ABCA9: variants seen among roughly 807,000 people sequenced by gnomAD.
ABCA9 encodes ATP-binding cassette sub-family A member 9.
In ABCA9, 183 loss-of-function variants were observed where a neutral mutation model predicts 205.3. The ratio of observed to expected loss-of-function variants is 0.89; its 90% CI spans 0.79 to 1.01. The LOEUF (loss-of-function observed/expected upper bound fraction) is 1.01, where lower values mean the gene tolerates loss of function less well. Among genes scored for constraint, ABCA9 ranks in the 50% least tolerant of loss-of-function variants. The pLI, the probability that ABCA9 is intolerant of heterozygous loss-of-function variation, is 0.00. For synonymous variants in ABCA9, 651 were observed against 683.3 expected, an observed-to-expected ratio of 0.95 and a Z score of 0.74; for missense variants, 1,805 against 1,912.4, an observed-to-expected ratio of 0.94 and a Z score of 1.05.
At chr17:68,984,556 G>A (rs929140965) in intron 34 of ABCA9, among the ~76,000 whole-genome samples, 2 of 152,272 alleles carry the variant, frequency 1.3e-5, no homozygotes, top group East Asian at 1.9e-4. Context: ...TGAAGATTTG[G>A]AATGTTTCTT....
chr17:69,007,771 A>G lies in ABCA9; in HGVS notation c.3423T>C (p.Phe1141=). ...TATGCATACTCACAATTAAGAAGAA[A>G]AATGACCAAATGCCACTATTTTTTC... ...NGRKNSGIWS[F]FFLIVVIFSI... Residue 1141 remains phenylalanine (F), a synonymous_variant, in exon 25 of 39, where the codon TTT becomes TTC. Transcript: ENST00000340001. 3 of 1,589,332 alleles carry G rather than the reference A, an allele frequency of 1.9e-6. No individual in the cohort carries two copies. The highest frequency in any genetic ancestry group is 2.6e-6 in the Non-Finnish European group (3 of 1,158,376).
chr17:69,010,455 G>C (rs2070330395), intron 23 of ABCA9, among the ~76,000 whole-genome samples: 1 of 152,108 alleles, frequency 6.6e-6, no homozygotes, highest in African/African-American at 2.4e-5. Flanking sequence ...GGGGTAGCTA[G>C]AGGAGGAGAG....
intron 31 of ABCA9, among the ~76,000 whole-genome samples, chr17:68,988,414 A>C (rs975716794): frequency 1.3e-5 from 2 of 152,100 alleles, no homozygotes. Context: ...CAGAATCACC[A>C]TTGTCCTTCA....
At chr17:69,065,399 C>A (rs1264188501), upstream of ABCA9, among the ~76,000 whole-genome samples, 1 of 152,154 alleles carries the variant, frequency 6.6e-6, no homozygotes, top group Admixed American at 6.5e-5. Flanking sequence ...ATCTTTCTGA[C>A]ATAGAATTTT....
chr17:68,981,197 A>C (rs1475982024), intron 37 of ABCA9, among the ~76,000 whole-genome samples: 1 of 152,196 alleles, frequency 6.6e-6, no homozygotes, highest in African/African-American at 2.4e-5. Context: ...GACAGGATAA[A>C]TAAATTCAGA....
Position 68,984,904 on chromosome 17 carries a change from C to T in ABCA9, c.4360G>A (p.Glu1454Lys), listed in dbSNP as rs774507778. The T allele has an allele frequency of 1.1e-5, 18 of 1,614,152 alleles. No individual in the cohort carries two copies. The highest frequency in any genetic ancestry group is 6.7e-5 in the African/African-American group (5 of 75,032). The change falls in exon 34 of 39, where the codon GAG becomes AAG. Residue 1454 changes from glutamate to lysine, a missense_variant. Physicochemically the swap from Glu to Lys is moderately conservative, Grantham distance 56. Coordinates refer to ENST00000340001, the MANE Select transcript of ABCA9 (RefSeq NM_080283.4). ...CCTCACCACATTTGCTGCTGCCCCT[C>T]GGGGTCCATCCCGGTCGACGGCTCA... ...LDEPSTGMDPEGQQQMWQVIR... is the reference protein window; with the variant it reads ...LDEPSTGMDPKGQQQMWQVIR...
chr17:69,051,968 A>T (rs1489353170), intron 1 of ABCA9, among the ~76,000 whole-genome samples: 2 of 152,186 alleles, frequency 1.3e-5, no homozygotes, highest in Non-Finnish European at 2.9e-5. Flanking sequence ...AATTAAAGAA[A>T]ATAAGTAACC....
At chr17:68,999,978 G>C (rs977865130) in intron 25 of ABCA9, among the ~76,000 whole-genome samples, 1 of 152,108 alleles carries the variant, frequency 6.6e-6, no homozygotes, top group African/African-American at 2.4e-5. Flanking sequence ...GGGGTTGTTT[G>C]TTTTTTCTCG....
At chr17:69,050,912 C>T (rs1329646782) in intron 2 of ABCA9, 119 bp downstream of exon 2, 1 of 798,502 alleles carries the variant, frequency 1.3e-6, no homozygotes. Context: ...AAAAATCTAG[C>T]TTGTTAATTA....
At chr17:68,980,416 C>A (rs141253600) in intron 37 of ABCA9, among the ~76,000 whole-genome samples, 2 of 151,856 alleles carry the variant, frequency 1.3e-5, no homozygotes, top group Non-Finnish European at 2.9e-5. Context: ...ACCATTTGAC[C>A]CAGCAATCTC....
At chr17:69,008,894 A>G (rs1431556224) in intron 23 of ABCA9, among the ~76,000 whole-genome samples, 1 of 152,236 alleles carries the variant, frequency 6.6e-6, no homozygotes, top group African/African-American at 2.4e-5. Context: ...ACTATTTTAA[A>G]CAGTAAAGCA....
chr17:69,076,898 T>C, the ABCA9 span, among the ~76,000 whole-genome samples: 1 of 152,070 alleles, frequency 6.6e-6, no homozygotes, highest in Non-Finnish European at 1.5e-5. Flanking sequence ...GGATTTTCTC[T>C]CTTTTTTTTC....
At chr17:69,062,940 A>G (rs1203493230), upstream of ABCA9, among the ~76,000 whole-genome samples, 3 of 152,178 alleles carry the variant, frequency 2.0e-5, no homozygotes, top group Non-Finnish European at 4.4e-5. Flanking sequence ...TACATATAGC[A>G]TTTATTGTGT....
chr17:69,025,051 C>T (rs922829251), intron 16 of ABCA9, among the ~76,000 whole-genome samples: 1 of 152,070 alleles, frequency 6.6e-6, no homozygotes, highest in Non-Finnish European at 1.5e-5. Context: ...TCTGTACTTA[C>T]AAGGTATAGT....
intron 17 of ABCA9, chr17:69,022,537 TGC>T (rs932063985): frequency 1.3e-5 from 2 of 151,854 alleles, no homozygotes; most frequent in Non-Finnish European, 2.9e-5. Flanking sequence ...TGTGTGTGTG[TGC>T]GCGCGTTTAG....
the ABCA9 span, among the ~76,000 whole-genome samples, chr17:69,076,100 T>G: frequency 6.6e-6 from 1 of 152,186 alleles, no homozygotes; most frequent in African/African-American, 2.4e-5. Context: ...TTGTTGCAGT[T>G]TTCAAGGGGA....
chr17:69,035,896 A>T (rs1284513839), intron 6 of ABCA9, 95 bp from the exon 7 acceptor site: 7 of 1,458,242 alleles, frequency 4.8e-6, no homozygotes, highest in African/African-American at 1.4e-5. Context: ...CTCACCATTT[A>T]TCAAGGGTAA....
At chr17:69,006,163 TATC>T (rs746337792) in intron 25 of ABCA9, among the ~76,000 whole-genome samples, 2 of 152,220 alleles carry the variant, frequency 1.3e-5, no homozygotes, top group Non-Finnish European at 2.9e-5. Flanking sequence ...GCATCCCCCA[TATC>T]ATCCCCTGGA....
In ABCA9 at chr17:69,046,397, T is replaced by C. The variant is rs557594238; in HGVS notation, c.305-1061A>G. On this transcript the variant is annotated intron_variant, in intron 3 of 38. Transcript: ENST00000340001. ...GCTTAACCAGACTCAGGTCTAATCC[T>C]TTTTTGCCAGCCGATAGGTGTTGAT... is the stretch of plus-strand genomic sequence containing the variant. Among the ~76,000 whole-genome samples the C allele has an allele frequency of 3.3e-5, 5 of 152,274 alleles. No homozygotes were observed. The South Asian group carries it at 1.0e-3, about 32-fold the overall frequency.
Sources: allele counts gnomAD v4.1 joint callset (sites outside exome capture counted in the v4.1 genomes callset), GRCh38; gene constraint gnomAD v4.1.1; transcripts MANE v1.5; gene names NCBI Gene and HGNC (gene_info 2026-07-23, HGNC 2026-07-21).